The following AMZ1 variants were observed in gnomAD, a reference collection of about 807,000 sequenced individuals.
AMZ1 encodes archaelysin family metallopeptidase 1.
In AMZ1, 39 loss-of-function variants were observed where a neutral mutation model predicts 29.9. The observed-to-expected ratio is 1.30, with a 90% CI of 1.01 to 1.70. The LOEUF is 1.70. AMZ1 is among the 40% of genes most tolerant of loss of function. AMZ1 has a pLI of 0.00. For missense variants in AMZ1, 1,041 were observed against 680.6 expected (o/e 1.53, Z -5.89); for synonymous variants, 458 against 304.0 (o/e 1.51, Z -5.27).
chr7:2,695,977 C>T (rs893056274), intron 1 of AMZ1, among the ~76,000 whole-genome samples: 2 of 149,996 alleles, frequency 1.3e-5, no homozygotes, highest in African/African-American at 4.9e-5. Context: ...CCATTGGACT[C>T]CAGCCTGGGT....
intron 1 of AMZ1, among the ~76,000 whole-genome samples, chr7:2,690,659 A>G (rs939652188): frequency 1.3e-5 from 2 of 151,906 alleles, no homozygotes; most frequent in African/African-American, 4.8e-5. Context: ...CGGGTGTGCA[A>G]ACGGCCTCTG....
At chr7:2,711,903 G>A (rs925314675) in intron 6 of AMZ1, among the ~76,000 whole-genome samples, 1 of 152,094 alleles carries the variant, frequency 6.6e-6, no homozygotes, top group East Asian at 1.9e-4. Context: ...AAATTAGCCA[G>A]GCATGCTGGC....
chr7:2,688,912 A>G lies in AMZ1; in HGVS notation c.-219+616A>G, dbSNP rs796622587. 3.9e-5 allele frequency among the ~76,000 whole-genome samples: 6 copies of G among 152,250 alleles called. No homozygotes were observed. The South Asian group carries it at 1.2e-3, about 32-fold the overall frequency. ...AGAGAAATGGCAAACTTTACAAAGG[A>G]CAGGGGAGGGCAGGGACCTGGGTCC... On this transcript the variant is annotated intron_variant, in intron 1 of 6. Coordinates refer to ENST00000683327, the MANE Select transcript of AMZ1 (RefSeq NM_001384743.1).
chr7:2,743,365 T>C (rs997853991), intron 4 of AMZ1, among the ~76,000 whole-genome samples: 1 of 152,140 alleles, frequency 6.6e-6, no homozygotes, highest in African/African-American at 2.4e-5. Flanking sequence ...ACCCAAGATA[T>C]AATTAAATTA....
rs1184662 is a variant in AMZ1 at position 2,718,524 on chromosome 7, G to A, written c.*5646G>A. 0.56 allele frequency among the ~76,000 whole-genome samples: 84,418 copies of A among 152,054 alleles called. 23,766 individuals are homozygous for A. The highest frequency in any genetic ancestry group is 0.58 in the African/African-American group (24,127 of 41,464). ...TGACTCTTGGACGCTGGTGGCAGCC[G>A]CGGGCGCCCACTCACCTGGCACGTG... On this transcript the variant is annotated 3_prime_UTR_variant, in exon 7 of 7. Transcript: ENST00000683327.
At chr7:2,762,812 T>G, upstream of AMZ1, 1 of 1,527,204 alleles carries the variant, frequency 6.5e-7, no homozygotes, top group Non-Finnish European at 8.8e-7. Context: ...CAGGGCGGCC[T>G]CCCATCCGCC....
At chr7:2,723,819 G>C (rs949967340), downstream of AMZ1, among the ~76,000 whole-genome samples, 3 of 152,222 alleles carry the variant, frequency 2.0e-5, no homozygotes, top group Non-Finnish European at 4.4e-5. Flanking sequence ...GCTGGGCCTG[G>C]AGGACTTTAC....
rs59259361 is a variant in AMZ1 at position 2,689,370 on chromosome 7, T to TGG, written c.-219+1082_-219+1083dup. On this transcript the variant is annotated intron_variant, in intron 1 of 6. Transcript: ENST00000683327. ...GTTGCTTAGAGCGGCAGAACCTCCC[T>TGG]GGGGGGGGGATGCGGACGTGCTCTT... Among the ~76,000 whole-genome samples the TGG allele has an allele frequency of 1.7e-3, 255 of 149,602 alleles. 3 individuals carry two copies. Among genetic ancestry groups the TGG allele is most frequent in the Middle Eastern group, 0.01 (3 of 288 alleles).
intron 5 of AMZ1, 60 bp downstream of exon 5, chr7:2,709,304 T>C (rs1225465855): frequency 3.5e-6 from 5 of 1,430,564 alleles, no homozygotes; most frequent in Non-Finnish European, 4.6e-6. Flanking sequence ...GAGCCCTTGG[T>C]GCCTCGGTCT....
rs201962977 is a variant in AMZ1, at chr7:2,731,549, C to T, written n.550+21733C>T. On this transcript the variant is annotated intron_variant and non_coding_transcript_variant, in intron 4 of 4. Coordinates refer to the AMZ1 transcript ENST00000489665. This position sits in a 1 kb window ranked among gnomAD's most constrained non-coding sequence, Gnocchi z 6.0. ...TTGGTGCGCCTGTCCTCCATGAGGA[C>T]CTGGTCGTACTCGCTGGAGGAGACC... 11 of 1,611,024 alleles carry T rather than the reference C, an allele frequency of 6.8e-6. No homozygotes were observed. In the East Asian group the frequency reaches 1.6e-4, roughly 23 times the overall value.
chr7:2,759,430 G>T lies in AMZ1; in HGVS notation n.551-5282G>T, dbSNP rs116252147. Among the ~76,000 whole-genome samples the T allele has an allele frequency of 5.2e-3, 796 of 152,282 alleles. 7 individuals are homozygous for T. Among genetic ancestry groups the T allele is most frequent in the African/African-American group, 0.018 (752 of 41,548 alleles). On this transcript the variant is annotated intron_variant and non_coding_transcript_variant, in intron 4 of 4. Transcript: ENST00000489665. ...GGTGTGTTATTACTGTTCTGTCCAT[G>T]TGACAGATGGGAAGACTGAGACAAA... is the stretch of plus-strand genomic sequence containing the variant.
intron 4 of AMZ1, among the ~76,000 whole-genome samples, chr7:2,741,604 A>G (rs1394608262): frequency 1.3e-5 from 2 of 152,168 alleles, no homozygotes; most frequent in East Asian, 3.8e-4. Context: ...AAGTTGCAAG[A>G]ATAGTACAAA....
At chr7:2,743,837 T>A (rs1375310992) in intron 4 of AMZ1, among the ~76,000 whole-genome samples, 2 of 152,014 alleles carry the variant, frequency 1.3e-5, no homozygotes, top group East Asian at 3.9e-4. Flanking sequence ...CACTGCACTT[T>A]CCCAACAGGC....
chr7:2,703,256 G>A (rs762130274), intron 3 of AMZ1, among the ~76,000 whole-genome samples: 5 of 152,112 alleles, frequency 3.3e-5, no homozygotes, highest in South Asian at 2.1e-4. Flanking sequence ...CGATTCTCCT[G>A]CCTCAGCCTT....
chr7:2,688,742 G>A (rs928969711), intron 1 of AMZ1, among the ~76,000 whole-genome samples: 1 of 152,172 alleles, frequency 6.6e-6, no homozygotes, highest in Non-Finnish European at 1.5e-5. Context: ...GAATCTCGTC[G>A]TGCCCAGGGC....
intron 3 of AMZ1, among the ~76,000 whole-genome samples, chr7:2,703,895 CT>C (rs973129502): frequency 4.0e-5 from 6 of 151,792 alleles, no homozygotes; most frequent in East Asian, 1.9e-4. Flanking sequence ...ATCCAAGGTA[CT>C]TTTTTTTTCT....
chr7:2,724,780 G>C (rs954549998), intron 4 of AMZ1, among the ~76,000 whole-genome samples: 2 of 152,170 alleles, frequency 1.3e-5, no homozygotes, highest in African/African-American at 4.8e-5. Flanking sequence ...TTTCCAACAC[G>C]ACTTCCAGCA....
upstream of AMZ1, among the ~76,000 whole-genome samples, chr7:2,685,506 C>T (rs574672899): frequency 5.3e-5 from 8 of 150,750 alleles, no homozygotes; most frequent in African/African-American, 1.5e-4. Flanking sequence ...TGCAGTGAGC[C>T]GAGATCGCGC....
chr7:2,756,949 C>T (rs1176962884), intron 4 of AMZ1, among the ~76,000 whole-genome samples: 4 of 151,988 alleles, frequency 2.6e-5, no homozygotes, highest in African/African-American at 9.7e-5. Flanking sequence ...TGGCACATGC[C>T]TGTAGTTCCA....
Sources: gnomAD v4.1 joint callset for allele counts (sites outside exome capture counted in the v4.1 genomes callset) on GRCh38, gnomAD v4.1.1 for gene constraint, Gnocchi (gnomAD v3.1) non-coding constraint, MANE v1.5 for transcripts, NCBI Gene and HGNC (gene_info 2026-07-23, HGNC 2026-07-21) for gene names.